DLG2: variants seen among roughly 807,000 people sequenced by gnomAD.
The protein encoded by DLG2 is discs large MAGUK scaffold protein 2, also known as disks large homolog 2.
Under a neutral mutation model 132.5 loss-of-function variants are expected in DLG2, and 45 were observed. The observed-to-expected ratio is 0.34, with a 90% CI of 0.27 to 0.44. DLG2 has a LOEUF of 0.44. Ranked by LOEUF, DLG2 falls within the 20% of genes least tolerant of loss-of-function variation. The pLI is 1.00. For synonymous variants in DLG2, 424 were observed against 419.6 expected (o/e 1.01, Z -0.13); for missense variants, 1,045 against 1,196.9 (o/e 0.87, Z 1.87).
chr11:84,813,583 A>G (rs543147271), intron 6 of DLG2, among the ~76,000 whole-genome samples: 2 of 152,262 alleles, frequency 1.3e-5, no homozygotes, highest in African/African-American at 4.8e-5. Flanking sequence ...GTGGGACTCA[A>G]AGATATGTCC....
intron 6 of DLG2, among the ~76,000 whole-genome samples, chr11:84,859,854 C>A (rs1039849985): frequency 2.0e-5 from 3 of 152,096 alleles, no homozygotes; most frequent in Non-Finnish European, 2.9e-5. Flanking sequence ...TCAACTGTTT[C>A]ACTTTCCTCT....
intron 6 of DLG2, among the ~76,000 whole-genome samples, chr11:84,671,951 G>A (rs774958909): frequency 6.6e-6 from 1 of 152,126 alleles, no homozygotes; most frequent in Non-Finnish European, 1.5e-5. Flanking sequence ...AAGCTTCAGA[G>A]GCAGAGACTT....
intron 8 of DLG2, among the ~76,000 whole-genome samples, chr11:84,196,811 C>T (rs768234698): frequency 6.6e-6 from 1 of 151,790 alleles, no homozygotes; most frequent in Admixed American, 6.6e-5. Flanking sequence ...GAGGCCGAGA[C>T]GGGTGGATCA....
At chr11:85,123,008 C>T (rs1295590451) in intron 5 of DLG2, among the ~76,000 whole-genome samples, 10 of 78,996 alleles carry the variant, frequency 1.3e-4, no homozygotes, top group East Asian at 5.1e-4. Context: ...GACAGAGTCT[C>T]GCTCTGTCGC....
In DLG2 at chr11:84,273,964, T is replaced by G. The variant is rs1385143892; in HGVS notation, c.520-22673A>C. 4.6e-5 allele frequency among the ~76,000 whole-genome samples: 7 copies of G among 152,226 alleles called. No homozygotes were observed. In the South Asian group the frequency reaches 1.5e-3, roughly 32 times the overall value. On this transcript the variant is annotated intron_variant, in intron 7 of 27. Transcript: ENST00000376104. ...GAAGAACTTTATGTTGCCTATATATTGAAGAAAAGTCACTTTTATTCCTTA... is the reference window on the plus strand; with the variant it reads ...GAAGAACTTTATGTTGCCTATATATGGAAGAAAAGTCACTTTTATTCCTTA...
intron 6 of DLG2, among the ~76,000 whole-genome samples, chr11:85,077,918 C>T (rs182017380): frequency 2.0e-4 from 30 of 151,228 alleles, no homozygotes; most frequent in East Asian, 1.8e-3. Context: ...TATTTTGCAT[C>T]ATTCAACAAT....
chr11:85,087,869 A>AAAAT (rs2068191143), intron 6 of DLG2, among the ~76,000 whole-genome samples: 1 of 148,308 alleles, frequency 6.7e-6, no homozygotes, highest in Admixed American at 6.8e-5. Context: ...AAAAAAAAAA[A>AAAAT]CAGATCATGG....
At chr11:85,423,807 C>G (rs2090502539) in intron 3 of DLG2, among the ~76,000 whole-genome samples, 1 of 152,184 alleles carries the variant, frequency 6.6e-6, no homozygotes, top group South Asian at 2.1e-4. Flanking sequence ...GAGTCTATTT[C>G]CAGGCAGTTG....
At chr11:84,611,024 TACAC>T (rs10587472) in intron 6 of DLG2, among the ~76,000 whole-genome samples, 1,852 of 138,166 alleles carry the variant, frequency 0.013, 18 homozygotes, top group African/African-American at 0.016. Context: ...TTAGATGACA[TACAC>T]ACACACACAC....
chr11:84,253,874 G>A (rs971561301), intron 7 of DLG2, among the ~76,000 whole-genome samples: 3 of 152,002 alleles, frequency 2.0e-5, no homozygotes, highest in Admixed American at 1.3e-4. Flanking sequence ...TATCTAGGTG[G>A]TTCTATCACA....
intron 6 of DLG2, among the ~76,000 whole-genome samples, chr11:84,589,584 T>A (rs1403703163): frequency 1.3e-5 from 2 of 152,174 alleles, no homozygotes; most frequent in African/African-American, 4.8e-5. Context: ...AAAAAAGAAA[T>A]TTTAAAAAAT....
chr11:84,495,055 C>A lies in DLG2; in HGVS notation c.519+39515G>T, dbSNP rs964206015. Among the ~76,000 whole-genome samples, 4 of 152,180 alleles carry A rather than the reference C, an allele frequency of 2.6e-5. 1 individual carries two copies. The highest frequency in any genetic ancestry group is 9.6e-5 in the African/African-American group (4 of 41,460). Reference sequence around the variant, plus strand: ...ACACACAAGCTCACCCACATACACACACCCATTTAAACATAAACCAGTTGT... The same window carrying A: ...ACACACAAGCTCACCCACATACACAAACCCATTTAAACATAAACCAGTTGT... On this transcript the variant is annotated intron_variant, in intron 7 of 27. Coordinates refer to ENST00000376104, the MANE Select transcript of DLG2 (RefSeq NM_001142699.3).
chr11:85,076,993 G>C (rs1434555349), intron 6 of DLG2, among the ~76,000 whole-genome samples: 1 of 151,860 alleles, frequency 6.6e-6, no homozygotes, highest in Non-Finnish European at 1.5e-5. Flanking sequence ...TAATTACCAG[G>C]CACATAAAGA....
At chr11:84,898,266 A>G (rs997250409) in intron 6 of DLG2, among the ~76,000 whole-genome samples, 1 of 151,974 alleles carries the variant, frequency 6.6e-6, no homozygotes, top group Admixed American at 6.6e-5. Flanking sequence ...TTATTAAACA[A>G]AAATAGTCAT....
chr11:85,014,604 C>G (rs554779654), intron 6 of DLG2, among the ~76,000 whole-genome samples: 1 of 152,250 alleles, frequency 6.6e-6, no homozygotes, highest in South Asian at 2.1e-4. Flanking sequence ...TTCTACCCAG[C>G]AAGTAAAAGT....
intron 6 of DLG2, among the ~76,000 whole-genome samples, chr11:84,591,916 T>A (rs754850583): frequency 6.6e-6 from 1 of 152,100 alleles, no homozygotes; most frequent in Non-Finnish European, 1.5e-5. Context: ...TGCAGTGGCA[T>A]GATCTTGGCT....
intron 6 of DLG2, among the ~76,000 whole-genome samples, chr11:84,650,900 T>TATATATATATATATA (rs1452682199): frequency 2.2e-5 from 3 of 138,522 alleles, no homozygotes; most frequent in African/African-American, 8.8e-5. Flanking sequence ...TATATATATA[T>TATATATATATATATA]AAAATTTTTG....
intron 3 of DLG2, among the ~76,000 whole-genome samples, chr11:85,415,768 T>C (rs1489412967): frequency 6.6e-6 from 1 of 152,184 alleles, no homozygotes; most frequent in Non-Finnish European, 1.5e-5. Context: ...GTCAGATGGA[T>C]AGACTGCAAA....
At position 85,626,612 on chromosome 11, in the gene DLG2, T is replaced by C. The variant is rs1400316846; in HGVS notation, c.-118A>G. ...CTTATGGCCCACCTGTCTTCTTGAC[T>C]GGCATTCTTGGGTCTTTCCACTGCC... On this transcript the variant is annotated 5_prime_UTR_variant, in exon 2 of 28. Transcript: ENST00000376104. The C allele has an allele frequency of 1.3e-5, 2 of 152,236 alleles. No individual in the cohort carries two copies. Among genetic ancestry groups the C allele is most frequent in the East Asian group, 3.8e-4 (2 of 5,204 alleles). The allele number at this position is 152,236 out of a possible 1,614,324, so 9.4% of individuals were successfully genotyped here.
Sources: allele counts gnomAD v4.1 joint callset (sites outside exome capture counted in the v4.1 genomes callset), GRCh38; gene constraint gnomAD v4.1.1; transcripts MANE v1.5; gene names NCBI Gene and HGNC (gene_info 2026-07-23, HGNC 2026-07-21).